The following UNC13B variants were observed in gnomAD, a reference collection of about 807,000 sequenced individuals.
UNC13B encodes unc-13 homolog B, also known as protein unc-13 homolog B.
In UNC13B, 144 loss-of-function variants were observed where a neutral mutation model predicts 211.0. That is an observed-to-expected ratio of 0.68 (90% CI 0.60 to 0.78). UNC13B has a LOEUF of 0.78. UNC13B is among the 30% of genes least tolerant of loss of function. UNC13B has a pLI of 0.00. For missense variants in UNC13B, 1,777 were observed against 2,002.0 expected, an observed-to-expected ratio of 0.89 and a Z score of 2.14; for synonymous variants, 709 against 725.8, an observed-to-expected ratio of 0.98 and a Z score of 0.37.
At chr9:35,202,347 A>G (rs1489849570) in intron 1 of UNC13B, among the ~76,000 whole-genome samples, 4 of 152,208 alleles carry the variant, frequency 2.6e-5, no homozygotes, top group African/African-American at 9.6e-5. Context: ...GTAGACGTCT[A>G]TTAGGTCCGC....
At chr9:35,268,801 A>G (rs1385009645) in intron 7 of UNC13B, among the ~76,000 whole-genome samples, 1 of 152,192 alleles carries the variant, frequency 6.6e-6, no homozygotes, top group African/African-American at 2.4e-5. Flanking sequence ...CTAAGTGTGT[A>G]GTGGCAGTGA....
intron 24 of UNC13B, among the ~76,000 whole-genome samples, chr9:35,388,796 G>A (rs951237294): frequency 3.3e-5 from 5 of 152,206 alleles, no homozygotes; most frequent in Admixed American, 2.0e-4. Flanking sequence ...ATTGAACGCC[G>A]TTGAAGGGCT....
intron 1 of UNC13B, among the ~76,000 whole-genome samples, chr9:35,216,904 A>G (rs963341129): frequency 3.9e-5 from 6 of 152,222 alleles, no homozygotes; most frequent in Admixed American, 3.9e-4. Context: ...TGGAAAAAAA[A>G]CAATCTCATA....
intron 1 of UNC13B, among the ~76,000 whole-genome samples, chr9:35,170,628 T>C (rs564861206): frequency 3.3e-5 from 5 of 151,702 alleles, no homozygotes; most frequent in African/African-American, 9.7e-5. Context: ...ACTACCATGC[T>C]TGGCTAATTA....
chr9:35,282,205 TA>T (rs1828535485), intron 7 of UNC13B, among the ~76,000 whole-genome samples: 1 of 152,170 alleles, frequency 6.6e-6, no homozygotes, highest in African/African-American at 2.4e-5. Context: ...ATAAGGTAGG[TA>T]AAAGATAGAC....
chr9:35,279,124 C>T (rs918190179), intron 7 of UNC13B, among the ~76,000 whole-genome samples: 14 of 152,122 alleles, frequency 9.2e-5, no homozygotes, highest in East Asian at 3.9e-4. Flanking sequence ...ATTGTAGAAC[C>T]ATTACCTGTC....
chr9:35,385,325 C>A lies in UNC13B; in HGVS notation c.10876-399C>A, dbSNP rs1012990239. 8 of 985,316 alleles carry A rather than the reference C, an allele frequency of 8.1e-6. 1 individual carries two copies. The highest frequency in any genetic ancestry group is 6.1e-5 in the Admixed American group (1 of 16,266). 61.0% of individuals were successfully genotyped at this position (985,316 alleles called of 1,614,324 possible). ...GACCTCAGTTTGGTCTGTAGTGTGG[C>A]TCCACTTATATTCCAGGATATACAG... On this transcript the variant is annotated intron_variant, in intron 22 of 39. Transcript: ENST00000635942.
At chr9:35,271,948 ATAAC>A (rs991921257) in intron 7 of UNC13B, among the ~76,000 whole-genome samples, 2 of 152,224 alleles carry the variant, frequency 1.3e-5, no homozygotes, top group African/African-American at 4.8e-5. Context: ...TTCAAGGAAA[ATAAC>A]TAGAGGTTCA....
intron 1 of UNC13B, among the ~76,000 whole-genome samples, chr9:35,219,087 G>A (rs1443903835): frequency 6.6e-6 from 1 of 152,186 alleles, no homozygotes; most frequent in Non-Finnish European, 1.5e-5. Flanking sequence ...AAGGAACTGG[G>A]TGAGAATCAA....
At chr9:35,228,180 TA>T in intron 2 of UNC13B, 136 bp downstream of exon 2, 2 of 831,266 alleles carry the variant, frequency 2.4e-6, no homozygotes, top group Non-Finnish European at 3.6e-6. Flanking sequence ...ATGAAATCAT[TA>T]ATCTAGTGAA....
At chr9:35,403,088 A>G in intron 37 of UNC13B, 79 bp from the exon 38 acceptor site, 3 of 1,270,476 alleles carry the variant, frequency 2.4e-6, no homozygotes, top group Non-Finnish European at 3.4e-6. Flanking sequence ...TTTTGGGTAT[A>G]GGGTGGTGAC....
In UNC13B at chr9:35,223,655, C is replaced by T. The variant is rs548902621; in HGVS notation, c.23-4360C>T. ...GTCTCTTTATTGATTGTTACTTTTGCGGTGCAAAGGCTTTTTAGTTTTATA... is the reference window on the plus strand; with the variant it reads ...GTCTCTTTATTGATTGTTACTTTTGTGGTGCAAAGGCTTTTTAGTTTTATA... On this transcript the variant is annotated intron_variant, in intron 1 of 39. Coordinates refer to ENST00000635942, the MANE Select transcript of UNC13B (RefSeq NM_001371189.2). Among the ~76,000 whole-genome samples, 122 of 151,934 alleles carry T rather than the reference C, an allele frequency of 8.0e-4. 1 individual carries two copies. Among genetic ancestry groups the T allele is most frequent in the African/African-American group, 2.7e-3 (113 of 41,454 alleles).
chr9:35,240,418 C>T (rs1047222934), intron 5 of UNC13B, among the ~76,000 whole-genome samples: 1 of 152,060 alleles, frequency 6.6e-6, no homozygotes, highest in African/African-American at 2.4e-5. Context: ...TTCCAGCTAG[C>T]TCAGAAAGAA....
chr9:35,296,545 G>T (rs1829368528), intron 8 of UNC13B, among the ~76,000 whole-genome samples: 1 of 151,692 alleles, frequency 6.6e-6, no homozygotes, highest in African/African-American at 2.4e-5. Flanking sequence ...ATAGACTGTT[G>T]TCATATATTT....
chr9:35,196,284 G>C (rs1489247392), intron 1 of UNC13B, among the ~76,000 whole-genome samples: 2 of 152,188 alleles, frequency 1.3e-5, no homozygotes, highest in East Asian at 1.9e-4. Flanking sequence ...ACAAACAAGG[G>C]AACTAGTGCC....
chr9:35,203,262 T>C lies in UNC13B; in HGVS notation c.23-24753T>C, dbSNP rs534417362. On this transcript the variant is annotated intron_variant, in intron 1 of 39. Coordinates refer to ENST00000635942, the MANE Select transcript of UNC13B (RefSeq NM_001371189.2). Reference sequence around the variant, plus strand: ...GTTTCTTCCTAGCATCGATGGTCTTTACAATTTGGCATGTTTTTGCAGTGG... The same window carrying C: ...GTTTCTTCCTAGCATCGATGGTCTTCACAATTTGGCATGTTTTTGCAGTGG... 4.6e-5 allele frequency among the ~76,000 whole-genome samples: 7 copies of C among 152,352 alleles called. No individual in the cohort carries two copies. The South Asian group carries it at 1.0e-3, about 23-fold the overall frequency.
At chr9:35,212,921 A>G (rs1824049990) in intron 1 of UNC13B, among the ~76,000 whole-genome samples, 2 of 152,200 alleles carry the variant, frequency 1.3e-5, no homozygotes, top group African/African-American at 4.8e-5. Flanking sequence ...ACATACACCT[A>G]GATTTTAGTT....
chr9:35,166,250 T>G (rs1037768221), intron 1 of UNC13B, among the ~76,000 whole-genome samples: 1 of 151,974 alleles, frequency 6.6e-6, no homozygotes. Flanking sequence ...GGTGTGGTGG[T>G]GCTCACCTGT....
At chr9:35,179,002 A>AT (rs1821791283) in intron 1 of UNC13B, among the ~76,000 whole-genome samples, 1 of 151,956 alleles carries the variant, frequency 6.6e-6, no homozygotes, top group Non-Finnish European at 1.5e-5. Context: ...AGGGTTAATC[A>AT]TTTAATTCTT....
Sources: gnomAD v4.1 joint callset for allele counts (sites outside exome capture counted in the v4.1 genomes callset) on GRCh38, gnomAD v4.1.1 for gene constraint, MANE v1.5 for transcripts, NCBI Gene and HGNC (gene_info 2026-07-23, HGNC 2026-07-21) for gene names.